Variants in COMT observed in about 807,000 individuals in gnomAD.
The protein encoded by COMT is catechol O-methyltransferase.
Under a neutral mutation model 18.9 loss-of-function variants are expected in COMT, and 13 were observed. The observed-to-expected ratio is 0.69, with a 90% confidence interval of 0.45 to 1.09. The LOEUF (loss-of-function observed/expected upper bound fraction) is 1.09, where lower values mean the gene tolerates loss of function less well. Ranked by LOEUF, COMT falls within the 50% of genes least tolerant of loss-of-function variation. The pLI is 0.00. For synonymous variants in COMT, 150 were observed against 160.9 expected (o/e 0.93, Z 0.51); for missense variants, 329 against 361.8 (o/e 0.91, Z 0.73).
At chr22:19,942,584 T>A (rs777845413) in intron 1 of COMT, among the ~76,000 whole-genome samples, 6 of 152,158 alleles carry the variant, frequency 3.9e-5, no homozygotes, top group Non-Finnish European at 5.9e-5. Flanking sequence ...CTTTTTGGAT[T>A]TTTCCAGCCA....
chr22:19,958,925 C>T (rs1303990340), intron 1 of COMT, among the ~76,000 whole-genome samples: 1 of 152,030 alleles, frequency 6.6e-6, no homozygotes, highest in Non-Finnish European at 1.5e-5. Flanking sequence ...TTCAAACATA[C>T]ACAAAAGCAG....
chr22:19,957,349 CT>C (rs1315952104), intron 1 of COMT, among the ~76,000 whole-genome samples: 1 of 152,166 alleles, frequency 6.6e-6, no homozygotes, highest in Non-Finnish European at 1.5e-5. Flanking sequence ...GAGTTCAAGG[CT>C]GCAGCTGCAG....
In COMT at chr22:19,969,966, T is replaced by G; in HGVS notation, c.*1230T>G. ...TGTTTACCAATAGTCTTATTTTGGC[T>G]TATTTTTAATGCTTTTTCTCAGTGT... is the stretch of plus-strand genomic sequence containing the variant. On this transcript the variant is annotated 3_prime_UTR_variant, in exon 6 of 6. Coordinates refer to ENST00000361682, the MANE Select transcript of COMT (RefSeq NM_000754.4). The G allele has an allele frequency of 1.0e-6, 1 of 985,656 alleles. No homozygotes were observed. The highest frequency in any genetic ancestry group is 1.2e-6 in the Non-Finnish European group (1 of 829,950). The allele number at this position is 985,656 out of a possible 1,614,324, so 61.1% of individuals were successfully genotyped here.
intron 3 of COMT, among the ~76,000 whole-genome samples, chr22:19,963,133 C>G (rs1295898000): frequency 2.0e-5 from 3 of 152,056 alleles, no homozygotes; most frequent in Non-Finnish European, 1.5e-5. Context: ...TTCTCCTGGG[C>G]CCGCCTCCCG....
At chr22:19,967,983 G>A (rs1463911767) in intron 5 of COMT, among the ~76,000 whole-genome samples, 1 of 152,206 alleles carries the variant, frequency 6.6e-6, no homozygotes, top group Non-Finnish European at 1.5e-5. Flanking sequence ...GTCCTCCCAG[G>A]GCCCAGGCAC....
At chr22:19,948,954 C>CAAAAAAAA (rs71186636) in intron 1 of COMT, among the ~76,000 whole-genome samples, 1 of 86,864 alleles carries the variant, frequency 1.2e-5, no homozygotes, top group African/African-American at 4.2e-5. Context: ...GACTCTGTCT[C>CAAAAAAAA]AAAAAAAAAA....
intron 2 of COMT, chr22:19,962,118 C>T (rs891495884): frequency 3.3e-6 from 1 of 300,866 alleles, no homozygotes; most frequent in South Asian, 3.4e-5. Flanking sequence ...TTTGGCCACC[C>T]GTGACTACCC....
intron 1 of COMT, among the ~76,000 whole-genome samples, chr22:19,960,112 G>A (rs577924280): frequency 6.6e-6 from 1 of 152,270 alleles, no homozygotes. Flanking sequence ...CAGACCTAGA[G>A]ATTAGAGATT....
intron 5 of COMT, among the ~76,000 whole-genome samples, chr22:19,966,671 C>T (rs1027638342): frequency 6.6e-6 from 1 of 152,102 alleles, no homozygotes; most frequent in Admixed American, 6.5e-5. Flanking sequence ...AAACTCCTGG[C>T]CTCAAGCGAT....
chr22:19,966,349 AGGGCTGCTTTGAGGAGGCCTCTCCACC>A (rs1942389480), intron 5 of COMT, among the ~76,000 whole-genome samples: 1 of 151,728 alleles, frequency 6.6e-6, no homozygotes, highest in African/African-American at 2.4e-5. Flanking sequence ...TTCAAAATCA[AGGGCTGCTTTGAGGAGGCCTCTCCACC>A]GGGCTGCTGT....
chr22:19,966,703 A>C (rs936792609), intron 5 of COMT, among the ~76,000 whole-genome samples: 5 of 152,030 alleles, frequency 3.3e-5, no homozygotes, highest in Middle Eastern at 3.4e-3. Flanking sequence ...AACCTCCCAA[A>C]GTGCTGGGAG....
At chr22:19,942,930 A>C (rs9332318) in intron 1 of COMT, among the ~76,000 whole-genome samples, 1 of 152,074 alleles carries the variant, frequency 6.6e-6, no homozygotes, top group African/African-American at 2.4e-5. Context: ...CAGGCCCCCA[A>C]CCTCCCACAG....
chr22:19,958,778 C>G (rs1456642179), intron 1 of COMT, among the ~76,000 whole-genome samples: 3 of 150,566 alleles, frequency 2.0e-5, no homozygotes, highest in East Asian at 2.0e-4. Flanking sequence ...GTCGTCCCAG[C>G]TACTTGGGGG....
chr22:19,964,492 T>C, intron 5 of COMT, 193 bp downstream of exon 5: 1 of 853,022 alleles, frequency 1.2e-6, no homozygotes, highest in Non-Finnish European at 1.9e-6. Context: ...GGTGGGGAGC[T>C]GGGCCAGGGG....
chr22:19,955,565 G>A (rs556859704), intron 1 of COMT, among the ~76,000 whole-genome samples: 2 of 152,372 alleles, frequency 1.3e-5, no homozygotes, highest in East Asian at 1.9e-4. Flanking sequence ...TGCAGCCCCC[G>A]TGGGGGACCT....
chr22:19,968,454 T>C (rs532505190), intron 5 of COMT, 82 bp from the exon 6 acceptor site: 1 of 1,383,082 alleles, frequency 7.2e-7, no homozygotes, highest in Admixed American at 1.9e-5. Context: ...CGTGGCCTAG[T>C]GAGGAGCACC....
chr22:19,959,126 G>A (rs1942132432), intron 1 of COMT, among the ~76,000 whole-genome samples: 1 of 152,178 alleles, frequency 6.6e-6, no homozygotes, highest in Admixed American at 6.5e-5. Context: ...CCACTCTCGA[G>A]TCCTGGGACC....
intron 1 of COMT, among the ~76,000 whole-genome samples, chr22:19,952,403 G>A (rs1941959022): frequency 1.3e-5 from 2 of 152,168 alleles, no homozygotes; most frequent in Admixed American, 6.5e-5. Flanking sequence ...ACTTTGGGAG[G>A]CCAAGGCGGG....
At chr22:19,962,343 G>C in intron 2 of COMT, 184 bp from the exon 3 acceptor site, 1 of 1,036,882 alleles carries the variant, frequency 9.6e-7, no homozygotes, top group Non-Finnish European at 1.4e-6. Flanking sequence ...GAGGGCACCA[G>C]AGGGCACGAG....
Sources: gnomAD v4.1 joint callset for allele counts (sites outside exome capture counted in the v4.1 genomes callset) on GRCh38, gnomAD v4.1.1 for gene constraint, MANE v1.5 for transcripts, NCBI Gene and HGNC (gene_info 2026-07-23, HGNC 2026-07-21) for gene names.